The following MYH14 variants were observed in gnomAD, a reference collection of about 807,000 sequenced individuals.
MYH14 encodes the protein myosin heavy chain 14.
A neutral mutation model predicts 255.5 loss-of-function variants in MYH14; 123 were observed. That is an observed-to-expected ratio of 0.48 (90% CI 0.42 to 0.56). MYH14 has a LOEUF of 0.56. Among genes scored for constraint, MYH14 ranks in the 20% least tolerant of loss-of-function variants. The pLI is 0.00. For synonymous variants in MYH14, 1,095 were observed against 1,161.2 expected (o/e 0.94, Z 1.16); for missense variants, 2,423 against 2,802.3 (o/e 0.86, Z 3.06).
At chr19:50,223,707 A>G (rs972365378) in intron 5 of MYH14, among the ~76,000 whole-genome samples, 54 of 152,118 alleles carry the variant, frequency 3.5e-4, no homozygotes, top group African/African-American at 1.1e-3. Flanking sequence ...CTGTTCTCAC[A>G]CTGCCTTACT....
intron 36 of MYH14, among the ~76,000 whole-genome samples, chr19:50,291,380 C>T (rs2036072092): frequency 6.6e-6 from 1 of 151,806 alleles, no homozygotes; most frequent in African/African-American, 2.4e-5. Flanking sequence ...CAGCTCACAG[C>T]AACTCTGCCT....
chr19:50,264,035 A>G (rs2034986773), intron 22 of MYH14, among the ~76,000 whole-genome samples: 1 of 143,508 alleles, frequency 7.0e-6, no homozygotes, highest in Non-Finnish European at 1.5e-5. Flanking sequence ...TAGCCTGGGC[A>G]ATACAGCAAA....
intron 10 of MYH14, among the ~76,000 whole-genome samples, chr19:50,234,443 AG>A (rs1420215155): frequency 5.3e-5 from 8 of 152,150 alleles, no homozygotes; most frequent in Non-Finnish European, 1.2e-4. Context: ...GGGAGGCCCC[AG>A]GAGCTATTGT....
chr19:50,290,822 C>T, intron 35 of MYH14, 65 bp from the exon 36 acceptor site: 1 of 1,512,298 alleles, frequency 6.6e-7, no homozygotes, highest in Non-Finnish European at 8.9e-7. Context: ...CATCCATGTC[C>T]CTAGCACACA....
chr19:50,304,491 G>A (rs1168641057), intron 40 of MYH14, among the ~76,000 whole-genome samples: 1 of 152,168 alleles, frequency 6.6e-6, no homozygotes, highest in Non-Finnish European at 1.5e-5. Flanking sequence ...TCAGGAGGCT[G>A]AGGTAGGAGA....
rs896801332 is a variant in MYH14 at position 50,276,503 on chromosome 19, A to G, written c.3681-254A>G. On this transcript the variant is annotated intron_variant, in intron 28 of 42. Coordinates refer to ENST00000642316, the MANE Select transcript of MYH14 (RefSeq NM_001145809.2). The surrounding 1 kb of genome is among the most constrained non-coding windows in gnomAD (Gnocchi z 4.3). ...TGTGGGTGATAAGTGAAGACCCCTA[A>G]ACCAAGTCTATGGGAGATCCAGGAA... Among the ~76,000 whole-genome samples, 2 of 152,090 alleles carry G rather than the reference A, an allele frequency of 1.3e-5. No individual in the cohort carries two copies. Among genetic ancestry groups the G allele is most frequent in the Admixed American group, 1.3e-4 (2 of 15,256 alleles).
intron 16 of MYH14, among the ~76,000 whole-genome samples, chr19:50,253,047 T>G (rs1600947298): frequency 6.6e-6 from 1 of 152,214 alleles, no homozygotes; most frequent in East Asian, 1.9e-4. Flanking sequence ...AACATCGTTT[T>G]TTTAGCAATA....
chr19:50,286,353 T>C, intron 33 of MYH14, 129 bp from the exon 34 acceptor site: 1 of 925,104 alleles, frequency 1.1e-6, no homozygotes, highest in Non-Finnish European at 1.6e-6. Context: ...TACCTCCCTC[T>C]TGTGTCTCTG....
intron 10 of MYH14, among the ~76,000 whole-genome samples, chr19:50,242,539 GATTCAGTTAC>G (rs1174191582): frequency 6.6e-6 from 1 of 152,192 alleles, no homozygotes; most frequent in Non-Finnish European, 1.5e-5. Context: ...CAGCCCCCAA[GATTCAGTTAC>G]CTCCCACTGG....
intron 34 of MYH14, among the ~76,000 whole-genome samples, chr19:50,287,820 G>T (rs1319965019): frequency 6.6e-6 from 1 of 152,142 alleles, no homozygotes. Context: ...AACACGAAGA[G>T]AATTTACTAC....
chr19:50,302,838 G>A (rs1053178286), intron 40 of MYH14, among the ~76,000 whole-genome samples: 41 of 152,198 alleles, frequency 2.7e-4, no homozygotes, highest in African/African-American at 9.9e-4. Flanking sequence ...GGAGGCGGAG[G>A]TTGTGGTGAG....
At chr19:50,229,893 A>G (rs771680747) in intron 8 of MYH14, among the ~76,000 whole-genome samples, 1 of 152,068 alleles carries the variant, frequency 6.6e-6, no homozygotes, top group Non-Finnish European at 1.5e-5. Flanking sequence ...TCTTCACAGC[A>G]ACTCATCCAG....
intron 39 of MYH14, among the ~76,000 whole-genome samples, chr19:50,295,364 A>G (rs2036233051): frequency 6.6e-6 from 1 of 151,414 alleles, no homozygotes; most frequent in East Asian, 1.9e-4. Flanking sequence ...AAAACAGGCC[A>G]GGTATGGTGG....
rs368249273 is a variant in MYH14 at position 50,259,131 on chromosome 19, C to A, written c.2233-13C>A. On this transcript the variant is annotated splice_polypyrimidine_tract_variant and intron_variant, in intron 18 of 42. Coordinates refer to ENST00000642316, the MANE Select transcript of MYH14 (RefSeq NM_001145809.2). ...CCGCCGCTGACCCCCGCGTGTCCGT[C>A]CGCTCTCCCCAGGCCGGGAAGCTGG... 6.2e-4 allele frequency: 958 copies of A among 1,546,352 alleles called. 1 individual carries two copies. The highest frequency in any genetic ancestry group is 8.1e-4 in the Non-Finnish European group (922 of 1,142,926).
intron 33 of MYH14, among the ~76,000 whole-genome samples, chr19:50,283,299 T>C (rs1416582254): frequency 6.6e-6 from 1 of 152,162 alleles, no homozygotes; most frequent in Non-Finnish European, 1.5e-5. Context: ...TTTGTGTTTT[T>C]AATAGAGACG....
In MYH14 at chr19:50,266,945, A is replaced by G. The variant is rs191788683; in HGVS notation, c.2763A>G (p.Lys921=). Reference sequence around the variant, plus strand: ...AGGCACGGGCCCAGGAGCTGCAGAAAGTGCAGGAGCTACAGCAGCAGAGCG... The same window carrying G: ...AGGCACGGGCCCAGGAGCTGCAGAAGGTGCAGGAGCTACAGCAGCAGAGCG... ...VLQARAQELQ[K]VQELQQQSAR... is the part of the protein sequence containing the mutation. Residue 921 remains lysine (K), a synonymous_variant, in exon 23 of 43, where the codon AAA becomes AAG. Coordinates refer to ENST00000642316, the MANE Select transcript of MYH14 (RefSeq NM_001145809.2). This position sits in a 1 kb window ranked among gnomAD's most constrained non-coding sequence, Gnocchi z 4.1. 1,057 of 1,557,886 alleles carry G rather than the reference A, an allele frequency of 6.8e-4. 11 individuals are homozygous for G. The African/African-American group carries it at 0.013, about 19-fold the overall frequency.
intron 27 of MYH14, 97 bp downstream of exon 27, chr19:50,272,828 G>C: frequency 3.2e-6 from 4 of 1,239,714 alleles, no homozygotes; most frequent in African/African-American, 3.0e-5. Context: ...ACAAACCCCA[G>C]TGGAGCCACT....
Position 50,278,203 on chromosome 19 carries a change from G to A in MYH14, c.3946G>A (p.Glu1316Lys). The A allele has an allele frequency of 6.2e-7, 1 of 1,609,510 alleles. No homozygotes were observed. The highest frequency in any genetic ancestry group is 1.1e-5 in the South Asian group (1 of 90,054). The change falls in exon 30 of 43, where the codon GAG (glutamate) becomes AAG (lysine). Residue 1316 changes from glutamate to lysine, a missense_variant. Transcript: ENST00000642316. ...QEGEQRRRRL[E>K]LQLQEVQGRA... The stretch of plus-strand genomic sequence containing the variant: ...GGGTGAGCAGCGGAGGCGCCGCCTG[G>A]AGTTACAGCTGCAGGAGGTGCAGGG...
intron 18 of MYH14, among the ~76,000 whole-genome samples, chr19:50,257,863 G>A (rs773557881): frequency 4.6e-5 from 7 of 152,190 alleles, no homozygotes; most frequent in Non-Finnish European, 8.8e-5. Flanking sequence ...GGTCAGTGAA[G>A]TTAGGGAAGG....
Sources: gnomAD v4.1 joint callset for allele counts (sites outside exome capture counted in the v4.1 genomes callset) on GRCh38, gnomAD v4.1.1 for gene constraint, Gnocchi (gnomAD v3.1) non-coding constraint, MANE v1.5 for transcripts, NCBI Gene and HGNC (gene_info 2026-07-23, HGNC 2026-07-21) for gene names.